PLBD1: variants seen among roughly 807,000 people sequenced by gnomAD.
PLBD1 encodes lysosomal leucine aminopeptidase.
PLBD1 carries 60 observed loss-of-function variants against 63.0 expected under a neutral mutation model. The observed-to-expected ratio is 0.95, with a 90% CI of 0.77 to 1.18. The LOEUF is 1.18. PLBD1 is among the 50% of genes most tolerant of loss of function. The pLI is 0.00. For synonymous variants in PLBD1, 262 were observed against 248.0 expected, an observed-to-expected ratio of 1.06 and a Z score of -0.53; for missense variants, 598 against 677.9, an observed-to-expected ratio of 0.88 and a Z score of 1.31.
At chr12:14,549,118 C>T (rs1945637657) in intron 2 of PLBD1, among the ~76,000 whole-genome samples, 2 of 152,194 alleles carry the variant, frequency 1.3e-5, no homozygotes, top group East Asian at 3.8e-4. Context: ...CATCACACTC[C>T]ATTACATGGA....
chr12:14,562,010 C>A (rs1287748462), intron 1 of PLBD1, among the ~76,000 whole-genome samples: 1 of 152,168 alleles, frequency 6.6e-6, no homozygotes, highest in Non-Finnish European at 1.5e-5. Flanking sequence ...GAGAATAACA[C>A]CGGTGTGAAT....
intron 10 of PLBD1, among the ~76,000 whole-genome samples, chr12:14,505,400 T>G (rs1565569492): frequency 6.6e-6 from 1 of 152,214 alleles, no homozygotes; most frequent in Non-Finnish European, 1.5e-5. Context: ...TGTAGTAGCA[T>G]GATTCCACCA....
At chr12:14,534,644 C>T (rs927103196) in intron 6 of PLBD1, among the ~76,000 whole-genome samples, 1 of 151,454 alleles carries the variant, frequency 6.6e-6, no homozygotes, top group Non-Finnish European at 1.5e-5. Flanking sequence ...CCCGGGTTCA[C>T]GCCATTCTCT....
intron 6 of PLBD1, among the ~76,000 whole-genome samples, chr12:14,521,621 C>A (rs1181794673): frequency 6.6e-6 from 1 of 152,110 alleles, no homozygotes; most frequent in African/African-American, 2.4e-5. Context: ...TCCTCCACAA[C>A]CGACACCTTA....
chr12:14,542,929 C>G (rs1945586978), intron 2 of PLBD1, among the ~76,000 whole-genome samples: 2 of 152,106 alleles, frequency 1.3e-5, no homozygotes, highest in Non-Finnish European at 2.9e-5. Flanking sequence ...CGCCTGTAGT[C>G]CCAGCTACTC....
Position 14,567,795 on chromosome 12 carries a change from C to T in PLBD1, c.-99G>A, listed in dbSNP as rs991717775. ...AGGCTCCTGGCCTACTCAGGGGCGC[C>T]GCCTCTCCGAGGTGGGGCGTCCTCA... On this transcript the variant is annotated 5_prime_UTR_variant, in exon 1 of 11. Transcript: ENST00000240617. 1.2e-5 allele frequency: 16 copies of T among 1,336,934 alleles called. No homozygotes were observed. Among genetic ancestry groups the T allele is most frequent in the African/African-American group, 1.5e-5 (1 of 64,628 alleles). The allele number at this position is 1,336,934 out of a possible 1,614,324, so 82.8% of individuals were successfully genotyped here.
chr12:14,544,644 T>G (rs1320020447), intron 2 of PLBD1, among the ~76,000 whole-genome samples: 2 of 152,214 alleles, frequency 1.3e-5, no homozygotes, highest in East Asian at 3.8e-4. Context: ...CTTTATCTCT[T>G]TGGGCTGTTT....
chr12:14,543,300 T>C (rs1189359577), intron 2 of PLBD1, among the ~76,000 whole-genome samples: 1 of 152,218 alleles, frequency 6.6e-6, no homozygotes, highest in Non-Finnish European at 1.5e-5. Flanking sequence ...ATGAGTTTTA[T>C]ATTTCTCTCT....
chr12:14,565,115 A>G (rs1056930419), intron 1 of PLBD1, among the ~76,000 whole-genome samples: 2 of 152,210 alleles, frequency 1.3e-5, no homozygotes, highest in African/African-American at 4.8e-5. Context: ...TTATTTGTCA[A>G]CTTCTGGAAT....
At position 14,519,845 on chromosome 12, in the gene PLBD1, T is replaced by C. The variant is rs1945362620; in HGVS notation, c.845-8134A>G. On this transcript the variant is annotated intron_variant, in intron 6 of 10. Transcript: ENST00000240617. Reference sequence around the variant, plus strand: ...ATGGCAGCCTTAGCAAACTAATATATAGCCCATACCCAACTCTAGTTATGG... The same window carrying C: ...ATGGCAGCCTTAGCAAACTAATATACAGCCCATACCCAACTCTAGTTATGG... Among the ~76,000 whole-genome samples, 3 of 152,154 alleles carry C rather than the reference T, an allele frequency of 2.0e-5. No homozygotes were observed. In the South Asian group the frequency reaches 6.2e-4, roughly 32 times the overall value.
rs191319930 is a variant in PLBD1, at chr12:14,510,008, A to G, written c.1186+1252T>C. 2.2e-3 allele frequency among the ~76,000 whole-genome samples: 341 copies of G among 152,320 alleles called. 1 individual carries two copies. Among genetic ancestry groups the G allele is most frequent in the African/African-American group, 5.9e-3 (246 of 41,576 alleles). On this transcript the variant is annotated intron_variant, in intron 8 of 10. Coordinates refer to ENST00000240617, the MANE Select transcript of PLBD1 (RefSeq NM_024829.6). ...GGGTTTTTCAGACTTTAGAACAACC[A>G]TGGAGTGCATGGATTATATGACATT...
Position 14,567,866 on chromosome 12 carries a change from G to T in PLBD1, c.-170C>A. On this transcript the variant is annotated 5_prime_UTR_variant, in exon 1 of 11. Coordinates refer to ENST00000240617, the MANE Select transcript of PLBD1 (RefSeq NM_024829.6). ...CGGCCTGCTCCGGGCTCTGAGGGGCGAGGACGCTTCACGTGGTGGCCTGGG... is the reference window on the plus strand; with the variant it reads ...CGGCCTGCTCCGGGCTCTGAGGGGCTAGGACGCTTCACGTGGTGGCCTGGG... The T allele has an allele frequency of 2.1e-6, 2 of 948,120 alleles. No homozygotes were observed. The highest frequency in any genetic ancestry group is 1.4e-6 in the Non-Finnish European group (1 of 702,386). The allele number at this position is 948,120 out of a possible 1,614,324, so 58.7% of individuals were successfully genotyped here.
intron 1 of PLBD1, among the ~76,000 whole-genome samples, chr12:14,567,222 C>T (rs1306123898): frequency 3.3e-5 from 5 of 152,228 alleles, no homozygotes; most frequent in African/African-American, 1.2e-4. Flanking sequence ...AATGGCAAGC[C>T]GGAACCATAC....
intron 6 of PLBD1, among the ~76,000 whole-genome samples, chr12:14,534,351 GGCTAACACAT>G (rs1181369570): frequency 6.6e-6 from 1 of 152,008 alleles, no homozygotes; most frequent in Non-Finnish European, 1.5e-5. Flanking sequence ...AGGAGGTTGG[GGCTAACACAT>G]GCTAACACAC....
intron 1 of PLBD1, among the ~76,000 whole-genome samples, chr12:14,561,684 A>G (rs1466072168): frequency 1.3e-5 from 2 of 152,150 alleles, no homozygotes; most frequent in Non-Finnish European, 2.9e-5. Flanking sequence ...CCTCCTGAGT[A>G]GCTGGGATCA....
chr12:14,506,189 TG>T lies in PLBD1; in HGVS notation c.1451del (p.Pro484GlnfsTer16). 6.2e-7 allele frequency: 1 copy of T among 1,611,116 alleles called. No homozygotes were observed. ...CCREDLNSPNPSPGGCYDTKV... is the reference protein window; with the variant it reads ...CCREDLNSPNXSPGGCYDTKV... ...TTGTGTCATAACAACCTCCAGGACT[TG>T]GGTTAGGTGAGTTCAGGTCCTCACG... On this transcript the variant is annotated frameshift_variant, in exon 10 of 11. Transcript: ENST00000240617. LOFTEE classifies it high-confidence loss of function.
rs1221190170 is a variant in PLBD1 at position 14,536,595 on chromosome 12, A to G, written c.674T>C (p.Met225Thr). Residue 225 changes from methionine (M) to threonine (T), a missense_variant, in exon 5 of 11, where the codon ATG becomes ACG. Transcript: ENST00000240617. ...CTTGATAAGAGCGGAGCAATGTCCC[A>G]TGTCCCATCTCTTAAAAACCTTTAG... is the stretch of plus-strand genomic sequence containing the variant. ...GSLKVFKRWDMGHCSALIKVL... is the reference protein window; with the variant it reads ...GSLKVFKRWDTGHCSALIKVL... 2 of 1,614,114 alleles carry G rather than the reference A, an allele frequency of 1.2e-6. No homozygotes were observed. Among genetic ancestry groups the G allele is most frequent in the African/African-American group, 1.3e-5 (1 of 74,944 alleles).
intron 10 of PLBD1, 64 bp downstream of exon 10, chr12:14,506,098 A>G (rs935047943): frequency 1.8e-5 from 20 of 1,124,270 alleles, no homozygotes; most frequent in South Asian, 7.7e-5. Flanking sequence ...AACCTGTGCA[A>G]CTTTGCCTTT....
At chr12:14,532,525 C>T (rs1424984813) in intron 6 of PLBD1, among the ~76,000 whole-genome samples, 1 of 152,138 alleles carries the variant, frequency 6.6e-6, no homozygotes, top group Non-Finnish European at 1.5e-5. Context: ...GTGTGACCAC[C>T]GTTCTGACAG....
Sources: allele counts gnomAD v4.1 joint callset (sites outside exome capture counted in the v4.1 genomes callset), GRCh38; gene constraint gnomAD v4.1.1; transcripts MANE v1.5; gene names NCBI Gene and HGNC (gene_info 2026-07-23, HGNC 2026-07-21).